Variants in NEDD4L observed in about 807,000 individuals in gnomAD.
The protein encoded by NEDD4L is E3 ubiquitin-protein ligase NEDD4-like.
A neutral mutation model predicts 148.9 loss-of-function variants in NEDD4L; 54 were observed. The observed-to-expected ratio is 0.36, with a 90% confidence interval of 0.29 to 0.45. NEDD4L has a LOEUF of 0.45. NEDD4L is among the 20% of genes least tolerant of loss of function. The probability of loss-of-function intolerance (pLI) is 1.00; values close to 1 mark genes in which losing one functional copy is unlikely to be tolerated. For missense variants in NEDD4L, 856 were observed against 1,233.8 expected, an observed-to-expected ratio of 0.69 and a Z score of 4.59; for synonymous variants, 433 against 440.7, an observed-to-expected ratio of 0.98 and a Z score of 0.22.
intron 4 of NEDD4L, among the ~76,000 whole-genome samples, chr18:58,249,143 T>C (rs907999569): frequency 2.6e-5 from 4 of 152,194 alleles, no homozygotes; most frequent in African/African-American, 9.7e-5. Context: ...GGGGAGTGTT[T>C]TGGAGAAGTC....
At chr18:58,269,518 G>T (rs619733) in intron 5 of NEDD4L, among the ~76,000 whole-genome samples, 1 of 152,014 alleles carries the variant, frequency 6.6e-6, no homozygotes, top group Non-Finnish European at 1.5e-5. Context: ...TAATGGAATA[G>T]AATCTACCAA....
chr18:58,346,832 A>C (rs1418026516), intron 16 of NEDD4L, among the ~76,000 whole-genome samples: 1 of 152,008 alleles, frequency 6.6e-6, no homozygotes, highest in Admixed American at 6.6e-5. Context: ...CCTCGTTAGT[A>C]TTCCACTTTC....
chr18:58,140,155 G>A (rs558036909), intron 1 of NEDD4L, among the ~76,000 whole-genome samples: 83 of 152,266 alleles, frequency 5.5e-4, no homozygotes, highest in Non-Finnish European at 9.4e-4. Flanking sequence ...TAGTCCCAGA[G>A]GGCCCCGATC....
chr18:58,371,267 A>C (rs2046840485), intron 23 of NEDD4L, among the ~76,000 whole-genome samples: 1 of 137,248 alleles, frequency 7.3e-6, no homozygotes, highest in South Asian at 2.3e-4. Flanking sequence ...GTTGGCCAGG[A>C]TGGTCTCGAT....
rs146984694 is a variant in NEDD4L, at chr18:58,086,781, G to T, written c.48+42073G>T. Among the ~76,000 whole-genome samples, 645 of 152,322 alleles carry T rather than the reference G, an allele frequency of 4.2e-3. 4 individuals carry two copies. Among genetic ancestry groups the T allele is most frequent in the African/African-American group, 0.015 (622 of 41,572 alleles). ...ATTAATATGATAGTTATCTAATGTT[G>T]TGTAACAAATTGCCTCCAAATTTAG... On this transcript the variant is annotated intron_variant, in intron 1 of 30. Transcript: ENST00000400345.
At chr18:58,107,545 C>G (rs2085139078) in intron 1 of NEDD4L, among the ~76,000 whole-genome samples, 1 of 152,128 alleles carries the variant, frequency 6.6e-6, no homozygotes, top group African/African-American at 2.4e-5. Flanking sequence ...TGGCAAAACC[C>G]TGTCTCTACA....
chr18:58,259,225 C>A (rs567802167), intron 5 of NEDD4L, among the ~76,000 whole-genome samples: 152 of 152,284 alleles, frequency 1.0e-3, no homozygotes, highest in African/African-American at 3.1e-3. Flanking sequence ...AAAATGTTAA[C>A]CAACTAAATT....
At chr18:58,095,785 G>T (rs746957115) in intron 1 of NEDD4L, among the ~76,000 whole-genome samples, 1 of 152,134 alleles carries the variant, frequency 6.6e-6, no homozygotes, top group Non-Finnish European at 1.5e-5. Flanking sequence ...TTAAATTTCT[G>T]CCAGAAAGCT....
chr18:58,293,419 G>GA (rs1351812497), intron 5 of NEDD4L, among the ~76,000 whole-genome samples: 1 of 152,174 alleles, frequency 6.6e-6, no homozygotes, highest in Non-Finnish European at 1.5e-5. Context: ...TCCCCCTTTG[G>GA]AACAGCAAGA....
At chr18:58,279,418 A>T (rs918082055) in intron 5 of NEDD4L, among the ~76,000 whole-genome samples, 1 of 152,244 alleles carries the variant, frequency 6.6e-6, no homozygotes, top group Non-Finnish European at 1.5e-5. Context: ...GGTGCGACCA[A>T]GGGTCCTGAA....
intron 1 of NEDD4L, chr18:58,149,351 C>G: frequency 7.3e-7 from 1 of 1,378,354 alleles, no homozygotes; most frequent in Non-Finnish European, 9.4e-7. Context: ...CAGAGAGGAA[C>G]AACCGTGTAG....
chr18:58,384,283 G>C (rs971934550), intron 25 of NEDD4L, among the ~76,000 whole-genome samples: 6 of 152,178 alleles, frequency 3.9e-5, no homozygotes, highest in African/African-American at 1.4e-4. Context: ...AGAGATCCTG[G>C]CAAGGAGTGG....
In NEDD4L at chr18:58,304,495, C is replaced by T. The variant is rs551982546; in HGVS notation, c.298-11487C>T. Among the ~76,000 whole-genome samples, 6 of 152,218 alleles carry T rather than the reference C, an allele frequency of 3.9e-5. No individual in the cohort carries two copies. In the East Asian group the frequency reaches 1.2e-3, roughly 29 times the overall value. On this transcript the variant is annotated intron_variant, in intron 5 of 30. Transcript: ENST00000400345. ...TGACACTGCACTTCAGCCTGGGCAA[C>T]ATAACAAGACTCTGTCTCAATTAAA...
intron 1 of NEDD4L, among the ~76,000 whole-genome samples, chr18:58,072,915 A>G (rs1261804008): frequency 2.0e-5 from 3 of 149,846 alleles, no homozygotes. Flanking sequence ...CAAATCTTGA[A>G]CTAATAATTG....
At chr18:58,137,607 T>G (rs542541785) in intron 1 of NEDD4L, among the ~76,000 whole-genome samples, 1 of 152,344 alleles carries the variant, frequency 6.6e-6, no homozygotes, top group South Asian at 2.1e-4. Context: ...CTCTTTTGAC[T>G]GATTCTTCCA....
intron 2 of NEDD4L, among the ~76,000 whole-genome samples, chr18:58,168,987 C>CA (rs140776457): frequency 0.026 from 4,014 of 152,078 alleles, 168 homozygotes; most frequent in African/African-American, 0.091. Flanking sequence ...AGGAGTGGAG[C>CA]ACGTCATCTC....
intron 1 of NEDD4L, among the ~76,000 whole-genome samples, chr18:58,100,440 C>G (rs1438239719): frequency 6.6e-6 from 1 of 152,186 alleles, no homozygotes; most frequent in Non-Finnish European, 1.5e-5. Flanking sequence ...GCAAACAGAT[C>G]CAGAGGACAG....
At chr18:58,321,118 C>A (rs957392994) in intron 6 of NEDD4L, among the ~76,000 whole-genome samples, 1 of 152,184 alleles carries the variant, frequency 6.6e-6, no homozygotes, top group Non-Finnish European at 1.5e-5. Context: ...CAATGGTGAG[C>A]AAATTCAAGT....
intron 23 of NEDD4L, 57 bp from the exon 24 acceptor site, chr18:58,373,117 A>G (rs1233611241): frequency 9.0e-6 from 8 of 890,250 alleles, no homozygotes; most frequent in African/African-American, 1.7e-5. Flanking sequence ...AAGAAGTCAA[A>G]TGAGTTTGTA....
Sources: allele counts gnomAD v4.1 joint callset (sites outside exome capture counted in the v4.1 genomes callset), GRCh38; gene constraint gnomAD v4.1.1; transcripts MANE v1.5; gene names NCBI Gene and HGNC (gene_info 2026-07-23, HGNC 2026-07-21).